Variants in RCAN2 observed in about 807,000 individuals in gnomAD.
RCAN2 encodes regulator of calcineurin 2.
In RCAN2, 9 loss-of-function variants were observed where a neutral mutation model predicts 23.6. That is an observed-to-expected ratio of 0.38 (90% CI 0.23 to 0.67). The LOEUF (loss-of-function observed/expected upper bound fraction) is 0.67, where lower values mean the gene tolerates loss of function less well. Among genes scored for constraint, RCAN2 ranks in the 30% least tolerant of loss-of-function variants. The pLI, the probability that RCAN2 is intolerant of heterozygous loss-of-function variation, is 0.51. For missense variants in RCAN2, 273 were observed against 302.3 expected, an observed-to-expected ratio of 0.90 and a Z score of 0.72; for synonymous variants, 109 against 115.7, an observed-to-expected ratio of 0.94 and a Z score of 0.37.
chr6:46,342,101 G>A (rs1273110670), intron 2 of RCAN2, among the ~76,000 whole-genome samples: 1 of 152,122 alleles, frequency 6.6e-6, no homozygotes, highest in East Asian at 1.9e-4. Flanking sequence ...TATGTCTTTT[G>A]AGTGTAGTGT....
intron 2 of RCAN2, among the ~76,000 whole-genome samples, chr6:46,415,199 T>C (rs774781943): frequency 2.6e-5 from 4 of 152,098 alleles, no homozygotes; most frequent in Admixed American, 6.5e-5. Flanking sequence ...CACTGCACTA[T>C]CCACATGAGC....
chr6:46,241,079 T>C (rs1766290312), intron 4 of RCAN2, among the ~76,000 whole-genome samples: 1 of 152,192 alleles, frequency 6.6e-6, no homozygotes. Context: ...AGAGCCATCT[T>C]AGAGAGCAGA....
At chr6:46,412,130 A>T (rs569572792) in intron 2 of RCAN2, among the ~76,000 whole-genome samples, 11 of 152,296 alleles carry the variant, frequency 7.2e-5, no homozygotes, top group African/African-American at 2.4e-4. Flanking sequence ...AATTTGATCC[A>T]GGATTTATGA....
At chr6:46,436,187 C>G (rs1004618356) in intron 2 of RCAN2, among the ~76,000 whole-genome samples, 82 of 152,292 alleles carry the variant, frequency 5.4e-4, no homozygotes, top group African/African-American at 1.9e-3. Context: ...ATGCAGCAAC[C>G]ACAGGCAAGG....
At chr6:46,321,432 A>G (rs895841640) in intron 2 of RCAN2, among the ~76,000 whole-genome samples, 1 of 152,222 alleles carries the variant, frequency 6.6e-6, no homozygotes, top group Non-Finnish European at 1.5e-5. Flanking sequence ...AAATCTCTCA[A>G]GTGCCAAGGG....
At chr6:46,416,634 C>G (rs986946898) in intron 2 of RCAN2, among the ~76,000 whole-genome samples, 3 of 151,766 alleles carry the variant, frequency 2.0e-5, no homozygotes. Flanking sequence ...CCCACCTCAG[C>G]CTTCCGAGTG....
At chr6:46,236,657 T>C (rs1268008634) in intron 4 of RCAN2, among the ~76,000 whole-genome samples, 2 of 152,210 alleles carry the variant, frequency 1.3e-5, no homozygotes, top group Non-Finnish European at 2.9e-5. Flanking sequence ...ATTACTAACA[T>C]ACTTGAGTGA....
At chr6:46,403,714 C>A (rs1766322818) in intron 2 of RCAN2, among the ~76,000 whole-genome samples, 1 of 152,060 alleles carries the variant, frequency 6.6e-6, no homozygotes, top group African/African-American at 2.4e-5. Flanking sequence ...AAATATTTTT[C>A]ATTCCTATCT....
At chr6:46,460,479 T>C (rs1768175445) in intron 1 of RCAN2, among the ~76,000 whole-genome samples, 1 of 152,186 alleles carries the variant, frequency 6.6e-6, no homozygotes, top group Non-Finnish European at 1.5e-5. Context: ...AGGTTGGCCA[T>C]CCAAAGGAGA....
At chr6:46,421,441 C>T (rs1178438827) in intron 2 of RCAN2, among the ~76,000 whole-genome samples, 1 of 152,152 alleles carries the variant, frequency 6.6e-6, no homozygotes, top group African/African-American at 2.4e-5. Flanking sequence ...TAATAGGAAA[C>T]TCAAGTGAGT....
At chr6:46,314,182 C>G (rs1419451285) in intron 2 of RCAN2, among the ~76,000 whole-genome samples, 1 of 151,670 alleles carries the variant, frequency 6.6e-6, no homozygotes. Context: ...GCCAACATGG[C>G]AAAGTCCCAT....
chr6:46,417,592 C>T (rs959846549), intron 2 of RCAN2, among the ~76,000 whole-genome samples: 9 of 152,138 alleles, frequency 5.9e-5, no homozygotes, highest in South Asian at 2.1e-4. Context: ...TGCCATTACT[C>T]CTCTGGCCAT....
chr6:46,231,629 C>A (rs748177342), intron 4 of RCAN2, among the ~76,000 whole-genome samples: 8 of 152,062 alleles, frequency 5.3e-5, no homozygotes, highest in African/African-American at 1.9e-4. Context: ...AGGCTGGTCT[C>A]GAACTCCTGA....
At chr6:46,378,022 G>A (rs1322245765) in intron 2 of RCAN2, among the ~76,000 whole-genome samples, 1 of 152,120 alleles carries the variant, frequency 6.6e-6, no homozygotes, top group East Asian at 1.9e-4. Flanking sequence ...ATAATTACCT[G>A]TATCCACAAG....
chr6:46,320,106 A>C (rs138253934), intron 2 of RCAN2, among the ~76,000 whole-genome samples: 1 of 152,370 alleles, frequency 6.6e-6, no homozygotes, highest in Non-Finnish European at 1.5e-5. Context: ...CTTCTAAGTT[A>C]CTGAGTGAAC....
At chr6:46,411,638 T>G (rs1381380747) in intron 2 of RCAN2, among the ~76,000 whole-genome samples, 1 of 152,062 alleles carries the variant, frequency 6.6e-6, no homozygotes, top group Non-Finnish European at 1.5e-5. Context: ...ATCAGATGTT[T>G]TATCAGATTA....
chr6:46,291,640 C>CT (rs5875957), intron 2 of RCAN2, among the ~76,000 whole-genome samples: 2,028 of 145,130 alleles, frequency 0.014, 45 homozygotes, highest in African/African-American at 0.047. Context: ...CCCTTACATT[C>CT]TTTTTTTTTT....
intron 2 of RCAN2, among the ~76,000 whole-genome samples, chr6:46,306,890 C>T (rs1297045620): frequency 6.6e-6 from 1 of 152,076 alleles, no homozygotes; most frequent in Non-Finnish European, 1.5e-5. Flanking sequence ...TACTATATAA[C>T]TTATCATTTT....
chr6:46,474,118 G>T (rs1339173872), intron 1 of RCAN2, among the ~76,000 whole-genome samples: 1 of 152,024 alleles, frequency 6.6e-6, no homozygotes, highest in African/African-American at 2.4e-5. Flanking sequence ...AGGAGAAAGG[G>T]ATTTAGCTGG....
Sources: allele counts gnomAD v4.1 joint callset (sites outside exome capture counted in the v4.1 genomes callset), GRCh38; gene constraint gnomAD v4.1.1; transcripts MANE v1.5; gene names NCBI Gene and HGNC (gene_info 2026-07-23, HGNC 2026-07-21).